Variants in SECISBP2L observed in about 807,000 individuals in gnomAD.
SECISBP2L encodes the protein selenocysteine insertion sequence-binding protein 2-like.
In SECISBP2L, 43 loss-of-function variants were observed where a neutral mutation model predicts 114.7. The ratio of observed to expected loss-of-function variants is 0.38; its 90% CI spans 0.29 to 0.48. The LOEUF (loss-of-function observed/expected upper bound fraction) is 0.48, where lower values mean the gene tolerates loss of function less well. Ranked by LOEUF, SECISBP2L falls within the 20% of genes least tolerant of loss-of-function variation. The pLI is 0.98. For synonymous variants in SECISBP2L, 451 were observed against 439.7 expected, an observed-to-expected ratio of 1.03 and a Z score of -0.32; for missense variants, 1,136 against 1,301.1, an observed-to-expected ratio of 0.87 and a Z score of 1.95.
chr15:49,008,510 A>T (rs548945863), intron 14 of SECISBP2L, among the ~76,000 whole-genome samples: 3 of 152,268 alleles, frequency 2.0e-5, no homozygotes, highest in Non-Finnish European at 4.4e-5. Flanking sequence ...CTGTGATTTG[A>T]CATTTAATTA....
intron 6 of SECISBP2L, 83 bp downstream of exon 6, chr15:49,028,061 C>T (rs1902788128): frequency 5.6e-6 from 7 of 1,253,346 alleles, no homozygotes; most frequent in Non-Finnish European, 7.8e-6. Context: ...TTTGCAGTAT[C>T]AGCAAGCCTC....
Position 49,011,931 on chromosome 15 carries a change from A to G in SECISBP2L, c.1732-68T>C, listed in dbSNP as rs573167617. 277 of 1,530,432 alleles carry G rather than the reference A, an allele frequency of 1.8e-4. 1 individual carries two copies. Among genetic ancestry groups the G allele is most frequent in the East Asian group, 1.1e-3 (49 of 44,288 alleles). The allele number at this position is 1,530,432 out of a possible 1,614,324, so 94.8% of individuals were successfully genotyped here. ...AACTGTGTACAAATGATGACAATAT[A>G]CATTATAACACAGGTATGGTAGTTC... On this transcript the variant is annotated intron_variant, in intron 12 of 17. Transcript: ENST00000559471.
At chr15:49,016,142 G>C (rs1317250026) in intron 11 of SECISBP2L, among the ~76,000 whole-genome samples, 3 of 152,218 alleles carry the variant, frequency 2.0e-5, no homozygotes. Flanking sequence ...ATTCTGAGCA[G>C]TGAAGTGATA....
At position 49,035,413 on chromosome 15, in the gene SECISBP2L, C is replaced by G. The variant is rs138614543; in HGVS notation, c.449G>C (p.Arg150Pro). Residue 150 changes from arginine to proline, a missense_variant, in exon 3 of 18, where the codon CGT (arginine) becomes CCT (proline). Around this residue, in one of 2 missense-constraint regions of SECISBP2L, gnomAD observed 452 missense variants for 452.3 expected, o/e 1.00. Coordinates refer to ENST00000559471, the MANE Select transcript of SECISBP2L (RefSeq NM_001193489.2). ...VNAITTECTERPSQLGQVFPL... is the reference protein window; with the variant it reads ...VNAITTECTEPPSQLGQVFPL... ...GAAGACCTGTCCAAGCTGACTTGGA[C>G]GCTCAGTGCATTCTGTGGTGATAGC... 2.8e-5 allele frequency: 45 copies of G among 1,614,046 alleles called. 1 individual carries two copies. The Admixed American group carries it at 5.2e-4, about 19-fold the overall frequency.
rs183229369 is a variant in SECISBP2L at position 49,033,387 on chromosome 15, C to T, written c.529-287G>A. Among the ~76,000 whole-genome samples, 90 of 151,990 alleles carry T rather than the reference C, an allele frequency of 5.9e-4. No individual in the cohort carries two copies. The Middle Eastern group carries it at 0.01, about 17-fold the overall frequency. On this transcript the variant is annotated intron_variant, in intron 3 of 17. Transcript: ENST00000559471. ...ATTTTTAACTGCTAATTTTCTCAGT[C>T]AAAAAAATAATTAATAGCAGGGGTA... is the stretch of plus-strand genomic sequence containing the variant.
intron 3 of SECISBP2L, among the ~76,000 whole-genome samples, chr15:49,034,350 G>T (rs1321232565): frequency 6.6e-6 from 1 of 151,658 alleles, no homozygotes; most frequent in Non-Finnish European, 1.5e-5. Flanking sequence ...CTGTAAAATA[G>T]CCTTTTAAGT....
At chr15:49,004,594 C>G (rs568316725) in intron 14 of SECISBP2L, among the ~76,000 whole-genome samples, 1 of 152,222 alleles carries the variant, frequency 6.6e-6, no homozygotes, top group Non-Finnish European at 1.5e-5. Context: ...CCTCTAAACA[C>G]TGCTTTAGCT....
chr15:48,999,050 C>G (rs1322912880), intron 16 of SECISBP2L, among the ~76,000 whole-genome samples: 1 of 152,194 alleles, frequency 6.6e-6, no homozygotes, highest in Non-Finnish European at 1.5e-5. Context: ...GACAAAAGCA[C>G]AGGCTATTGT....
chr15:49,013,537 C>T (rs958809919), intron 11 of SECISBP2L, among the ~76,000 whole-genome samples: 1 of 152,168 alleles, frequency 6.6e-6, no homozygotes. Flanking sequence ...CCTTGTGATC[C>T]GCCCACGCTG....
chr15:49,024,943 A>C (rs184619164), intron 7 of SECISBP2L, among the ~76,000 whole-genome samples: 1 of 152,264 alleles, frequency 6.6e-6, no homozygotes, highest in Admixed American at 6.5e-5. Flanking sequence ...ATTCCTCATC[A>C]AGTTTTGAGA....
intron 1 of SECISBP2L, among the ~76,000 whole-genome samples, chr15:49,039,749 T>G (rs986830187): frequency 2.6e-5 from 4 of 151,634 alleles, no homozygotes; most frequent in Admixed American, 2.0e-4. Flanking sequence ...AGGCTGGTCT[T>G]GAACTCCTGG....
Position 48,996,416 on chromosome 15 carries a change from G to A in SECISBP2L, c.2574C>T (p.Phe858=). Residue 858 remains phenylalanine, a synonymous_variant, in exon 17 of 18, where the codon TTC becomes TTT. Transcript: ENST00000559471. ...AGATCGGTTCAGAAATAACACTGCA[G>A]AAAGAAATGGCACTTGCTGCAGAGG... ...RNPSAASAIS[F]CSVISEPISE... 1.2e-6 allele frequency: 2 copies of A among 1,614,062 alleles called. No homozygotes were observed. The highest frequency in any genetic ancestry group is 1.7e-6 in the Non-Finnish European group (2 of 1,179,986).
chr15:49,035,825 A>G (rs1902994932), intron 2 of SECISBP2L, among the ~76,000 whole-genome samples, 167 bp from the exon 3 acceptor site: 1 of 152,266 alleles, frequency 6.6e-6, no homozygotes, highest in Non-Finnish European at 1.5e-5. Context: ...TCTTTGCTAT[A>G]GAGATCATTA....
chr15:49,036,436 A>G (rs1903009086), intron 2 of SECISBP2L, among the ~76,000 whole-genome samples: 1 of 152,264 alleles, frequency 6.6e-6, no homozygotes, highest in South Asian at 2.1e-4. Flanking sequence ...TCACGGCCAT[A>G]TTCTTAAAAA....
rs1353582359 is a variant in SECISBP2L, at chr15:49,027,446, T to C, written c.954A>G (p.Ala318=). Residue 318 remains alanine, a synonymous_variant, in exon 7 of 18, where the codon GCA becomes GCG. Coordinates refer to ENST00000559471, the MANE Select transcript of SECISBP2L (RefSeq NM_001193489.2). ...GVNWSNVTCQ[A]TQKKPWMEKN... ...TTTCCATCCAAGGTTTTTTCTGAGT[T>C]GCCTGGCAAGTTACATTGGACCAAT... The C allele has an allele frequency of 1.2e-6, 2 of 1,609,322 alleles. No homozygotes were observed. The highest frequency in any genetic ancestry group is 2.2e-5 in the East Asian group (1 of 44,778).
intron 16 of SECISBP2L, among the ~76,000 whole-genome samples, chr15:48,999,349 C>T (rs909419890): frequency 6.6e-6 from 1 of 152,000 alleles, no homozygotes; most frequent in Admixed American, 6.6e-5. Flanking sequence ...TCTATATTAG[C>T]AGATTGCCAA....
chr15:49,032,457 A>G (rs1013525622), intron 4 of SECISBP2L, among the ~76,000 whole-genome samples: 2 of 152,234 alleles, frequency 1.3e-5, no homozygotes, highest in Admixed American at 6.5e-5. Flanking sequence ...AAAATTTTTG[A>G]CAAAATGATA....
intron 14 of SECISBP2L, among the ~76,000 whole-genome samples, chr15:49,004,222 T>C (rs539175628): frequency 6.6e-6 from 1 of 152,338 alleles, no homozygotes; most frequent in Non-Finnish European, 1.5e-5. Context: ...CTTGTTTATT[T>C]GTATAGAGCT....
intron 14 of SECISBP2L, among the ~76,000 whole-genome samples, chr15:49,008,764 T>C (rs1462048803): frequency 6.6e-6 from 1 of 152,226 alleles, no homozygotes; most frequent in African/African-American, 2.4e-5. Context: ...CCCCCAGTTA[T>C]CTCAATTTAA....
Sources: allele counts gnomAD v4.1 joint callset (sites outside exome capture counted in the v4.1 genomes callset), GRCh38; gene constraint gnomAD v4.1.1; regional missense constraint gnomAD v4.1.1; transcripts MANE v1.5; gene names NCBI Gene and HGNC (gene_info 2026-07-23, HGNC 2026-07-21).